Variants in BPTF observed in about 807,000 individuals in gnomAD.
The protein encoded by BPTF is bromodomain PHD finger transcription factor.
Under a neutral mutation model 292.5 loss-of-function variants are expected in BPTF, and 18 were observed. That is an observed-to-expected ratio of 0.06 (90% CI 0.04 to 0.09). BPTF has a LOEUF of 0.09. BPTF is among the 10% of genes least tolerant of loss of function. The pLI is 1.00. For synonymous variants in BPTF, 1,225 were observed against 1,251.9 expected (o/e 0.98, Z 0.45); for missense variants, 2,726 against 3,498.7 (o/e 0.78, Z 5.57).
At chr17:67,905,487 A>G (rs928991556) in intron 9 of BPTF, among the ~76,000 whole-genome samples, 6 of 151,918 alleles carry the variant, frequency 3.9e-5, no homozygotes, top group African/African-American at 1.5e-4. Context: ...CAGGAGGATC[A>G]CTTGAGGCCA....
chr17:67,856,119 A>G (rs1243345190), intron 2 of BPTF, among the ~76,000 whole-genome samples: 3 of 152,024 alleles, frequency 2.0e-5, no homozygotes, highest in East Asian at 1.9e-4. Context: ...TGGACTTCCT[A>G]TTTTGGTCTT....
At chr17:67,849,821 G>T (rs1598226826) in intron 1 of BPTF, among the ~76,000 whole-genome samples, 1 of 152,022 alleles carries the variant, frequency 6.6e-6, no homozygotes, top group Non-Finnish European at 1.5e-5. Flanking sequence ...GGCACCTGTA[G>T]TCCCAGCTAC....
chr17:67,826,685 T>A (rs2056095850), intron 1 of BPTF, among the ~76,000 whole-genome samples: 1 of 151,872 alleles, frequency 6.6e-6, no homozygotes, highest in Non-Finnish European at 1.5e-5. Context: ...TGCATTCATT[T>A]TTCTCCCCTT....
chr17:67,899,821 G>A (rs549820022), intron 7 of BPTF, among the ~76,000 whole-genome samples: 2 of 152,060 alleles, frequency 1.3e-5, no homozygotes, highest in East Asian at 1.9e-4. Context: ...GAGCCACCGC[G>A]CCCGGCCTAT....
At chr17:67,852,097 GTTTAA>G (rs938047195) in intron 1 of BPTF, among the ~76,000 whole-genome samples, 5 of 151,992 alleles carry the variant, frequency 3.3e-5, no homozygotes, top group African/African-American at 1.2e-4. Context: ...GGCTTAAGTG[GTTTAA>G]TTTAATGTCG....
chr17:67,973,055 TATATATATATAA>T (rs1331987980), intron 26 of BPTF, among the ~76,000 whole-genome samples: 1 of 144,474 alleles, frequency 6.9e-6, no homozygotes, highest in Non-Finnish European at 1.5e-5. Context: ...ATATATATTT[TATATATATATAA>T]ATATATATAT....
intron 1 of BPTF, among the ~76,000 whole-genome samples, chr17:67,834,198 T>A (rs1170307646): frequency 6.6e-6 from 1 of 152,224 alleles, no homozygotes; most frequent in Non-Finnish European, 1.5e-5. Flanking sequence ...TTAAGTGTTT[T>A]AGTTTCCAAA....
chr17:67,897,209 C>T (rs898215103), intron 7 of BPTF, among the ~76,000 whole-genome samples: 2 of 151,016 alleles, frequency 1.3e-5, no homozygotes, highest in Non-Finnish European at 3.0e-5. Context: ...GGCGTGGTGG[C>T]ACATGCCTGT....
chr17:67,963,580 T>C, intron 24 of BPTF: 1 of 1,278,102 alleles, frequency 7.8e-7, no homozygotes, highest in Non-Finnish European at 9.9e-7. Context: ...TTATTTATTT[T>C]AAAATAAAAA....
intron 7 of BPTF, among the ~76,000 whole-genome samples, chr17:67,897,900 A>G (rs2061556829): frequency 6.6e-6 from 1 of 152,136 alleles, no homozygotes; most frequent in Admixed American, 6.6e-5. Context: ...TGTCTTCTTT[A>G]TTAATATTTA....
At position 67,853,975 on chromosome 17, in the gene BPTF, C is replaced by T. The variant is rs1439393223; in HGVS notation, c.649C>T (p.Pro217Ser). Reference sequence around the variant, plus strand: ...ACCAAGAGTACATCGGCCTCGTTCTCCTATATTGGAAGAAAAAGACATCCC... The same window carrying T: ...ACCAAGAGTACATCGGCCTCGTTCTTCTATATTGGAAGAAAAAGACATCCC... ...RKPRVHRPRS[P>S]ILEEKDIPPL... The change falls in exon 2 of 28, where the codon CCT (proline) becomes TCT (serine). Residue 217 changes from proline to serine, a missense_variant. By Grantham distance (74) the Pro-to-Ser change is moderately conservative (BLOSUM62 -1). Around this residue, in one of 22 missense-constraint regions of BPTF, gnomAD observed 153 missense variants for 178.3 expected, o/e 0.86. Coordinates refer to ENST00000306378, the MANE Select transcript of BPTF (RefSeq NM_182641.4). The T allele has an allele frequency of 2.5e-6, 4 of 1,613,914 alleles. No individual in the cohort carries two copies. The highest frequency in any genetic ancestry group is 1.3e-5 in the African/African-American group (1 of 75,034).
At chr17:67,950,676 A>G (rs747800771) in intron 23 of BPTF, among the ~76,000 whole-genome samples, 15 of 151,704 alleles carry the variant, frequency 9.9e-5, no homozygotes, top group Admixed American at 1.3e-4. Flanking sequence ...CATCTCTACT[A>G]AAAATACAAA....
chr17:67,889,594 G>A (rs762144037), intron 4 of BPTF, among the ~76,000 whole-genome samples: 1 of 152,202 alleles, frequency 6.6e-6, no homozygotes, highest in Non-Finnish European at 1.5e-5. Context: ...GATCACTGGA[G>A]GTCAGGGGTT....
Position 67,835,832 on chromosome 17 carries a change from A to AT in BPTF, c.613+9501dup, listed in dbSNP as rs1162540817. On this transcript the variant is annotated intron_variant, in intron 1 of 27. Coordinates refer to ENST00000306378, the MANE Select transcript of BPTF (RefSeq NM_182641.4). ...AGGCACCTGCCACCATGCCCGGCTA[A>AT]TTTTTTGTAATTTTAGTAGAGATGG... Among the ~76,000 whole-genome samples the AT allele has an allele frequency of 2.3e-4, 35 of 152,042 alleles. No individual in the cohort carries two copies. In the South Asian group the frequency reaches 2.5e-3, roughly 11 times the overall value.
chr17:67,830,244 C>G (rs537004126), intron 1 of BPTF, among the ~76,000 whole-genome samples: 100 of 152,310 alleles, frequency 6.6e-4, no homozygotes, highest in Admixed American at 1.0e-3. Flanking sequence ...CAGTCTCAGT[C>G]TTGTGTGAGA....
intron 23 of BPTF, among the ~76,000 whole-genome samples, chr17:67,958,071 C>T (rs1370035003): frequency 6.6e-6 from 1 of 152,194 alleles, no homozygotes; most frequent in Non-Finnish European, 1.5e-5. Flanking sequence ...GAGGCTCACG[C>T]CTGTAATCCC....
At chr17:67,902,464 C>T (rs552752666) in intron 7 of BPTF, among the ~76,000 whole-genome samples, 1 of 152,340 alleles carries the variant, frequency 6.6e-6, no homozygotes, top group South Asian at 2.1e-4. Context: ...AGTCCTTCTC[C>T]TTAGTTCCAA....
At position 67,948,224 on chromosome 17, in the gene BPTF, T is replaced by A; in HGVS notation, c.7844T>A (p.Leu2615His). 6.2e-7 allele frequency: 1 copy of A among 1,614,174 alleles called. No individual in the cohort carries two copies. The highest frequency in any genetic ancestry group is 8.5e-7 in the Non-Finnish European group (1 of 1,180,032). ...AATGCCACTAAGCTGTCAGCTCTGC[T>A]CTTCAAGCACAAAGAGCAGCTCAGA... is the stretch of plus-strand genomic sequence containing the variant. Reference protein sequence around the residue: ...KQNATKLSALLFKHKEQLRAE... With the variant: ...KQNATKLSALHFKHKEQLRAE... The change falls in exon 23 of 28, where the codon CTC (leucine) becomes CAC (histidine). Residue 2615 changes from leucine (L) to histidine (H), a missense_variant. Physicochemically the swap from Leu to His is moderately conservative, Grantham distance 99 (BLOSUM62 -3). This residue lies in a region of BPTF where 148 missense variants were observed against 145.5 expected (regional missense o/e 1.02). Coordinates refer to ENST00000306378, the MANE Select transcript of BPTF (RefSeq NM_182641.4).
chr17:67,940,047 A>T (rs1350560226), intron 18 of BPTF, among the ~76,000 whole-genome samples: 2 of 145,144 alleles, frequency 1.4e-5, no homozygotes, highest in African/African-American at 5.0e-5. Context: ...TTTAAAATTC[A>T]TATGAATTAA....
Sources: allele counts gnomAD v4.1 joint callset (sites outside exome capture counted in the v4.1 genomes callset), GRCh38; gene constraint gnomAD v4.1.1; regional missense constraint gnomAD v4.1.1; transcripts MANE v1.5; gene names NCBI Gene and HGNC (gene_info 2026-07-23, HGNC 2026-07-21).